Variants in VMP1 observed in about 807,000 individuals in gnomAD.
VMP1 encodes vacuole membrane protein 1.
Under a neutral mutation model 56.0 loss-of-function variants are expected in VMP1, and 11 were observed. The observed-to-expected ratio is 0.20, with a 90% confidence interval of 0.12 to 0.32. VMP1 has a LOEUF of 0.32. VMP1 is among the 10% of genes least tolerant of loss of function. The pLI is 1.00. For synonymous variants in VMP1, 149 were observed against 165.0 expected (o/e 0.90, Z 0.74); for missense variants, 296 against 490.3 (o/e 0.60, Z 3.74).
intron 10 of VMP1, among the ~76,000 whole-genome samples, chr17:59,821,099 T>C (rs2038432289): frequency 2.0e-5 from 3 of 150,904 alleles, no homozygotes; most frequent in South Asian, 4.2e-4. Context: ...GCCCCCCGAG[T>C]AGCTGGGACT....
chr17:59,804,480 C>G (rs1468420413), intron 7 of VMP1, among the ~76,000 whole-genome samples: 1 of 151,506 alleles, frequency 6.6e-6, no homozygotes, highest in African/African-American at 2.4e-5. Context: ...CCGGGCGTTG[C>G]GGTGTGTGCC....
intron 10 of VMP1, among the ~76,000 whole-genome samples, chr17:59,820,220 T>C (rs2038392194): frequency 1.3e-5 from 2 of 152,196 alleles, no homozygotes; most frequent in African/African-American, 4.8e-5. Context: ...TTTCCTCTGC[T>C]CAAACTACTT....
chr17:59,839,957 C>A lies in VMP1; in HGVS notation c.*46C>A, dbSNP rs776215056. ...CAGAAATTGGAGTGGATGGGTTCTG[C>A]CTTAAATTGGGAGGACTCCAAGCCG... is the stretch of plus-strand genomic sequence containing the variant. On this transcript the variant is annotated 3_prime_UTR_variant, in exon 12 of 12. Transcript: ENST00000262291. 8 of 1,587,754 alleles carry A rather than the reference C, an allele frequency of 5.0e-6. No individual in the cohort carries two copies. The Admixed American group carries it at 1.6e-4, about 32-fold the overall frequency.
At position 59,753,817 on chromosome 17, in the gene VMP1, A is replaced by G. The variant is rs747441218; in HGVS notation, c.415-11154A>G. On this transcript the variant is annotated intron_variant, in intron 5 of 11. Coordinates refer to ENST00000262291, the MANE Select transcript of VMP1 (RefSeq NM_030938.5). ...ATATTTTACAATTTTTCTGTTTGCC[A>G]TATATTTTAACCATTGGATTTTCTC... Among the ~76,000 whole-genome samples the G allele has an allele frequency of 5.5e-4, 83 of 152,198 alleles. 1 individual carries two copies. The highest frequency in any genetic ancestry group is 5.3e-4 in the Non-Finnish European group (36 of 68,034).
chr17:59,785,999 A>G (rs1021296525), intron 7 of VMP1, among the ~76,000 whole-genome samples: 1 of 152,184 alleles, frequency 6.6e-6, no homozygotes, highest in Admixed American at 6.5e-5. Flanking sequence ...TTTCTATTAA[A>G]TTTAAGGCTG....
At chr17:59,817,662 TG>T (rs1210289040) in intron 9 of VMP1, 49 bp from the exon 10 acceptor site, 3 of 1,390,414 alleles carry the variant, frequency 2.2e-6, no homozygotes, top group Non-Finnish European at 3.0e-6. Flanking sequence ...GAATTTATGT[TG>T]GTTTTTTGAT....
intron 10 of VMP1, among the ~76,000 whole-genome samples, chr17:59,818,479 A>G (rs1265575304): frequency 6.6e-6 from 1 of 152,242 alleles, no homozygotes; most frequent in Admixed American, 6.5e-5. Flanking sequence ...TTATTTTAAA[A>G]GGCTAAACTG....
intron 7 of VMP1, among the ~76,000 whole-genome samples, chr17:59,785,721 A>G (rs966483184): frequency 1.3e-5 from 2 of 151,292 alleles, no homozygotes; most frequent in African/African-American, 2.4e-5. Flanking sequence ...AAAAAAGAAT[A>G]TCAGTTTTTT....
intron 7 of VMP1, among the ~76,000 whole-genome samples, chr17:59,797,708 C>A (rs771081809): frequency 6.6e-6 from 1 of 152,132 alleles, no homozygotes; most frequent in African/African-American, 2.4e-5. Context: ...GAAACCCTGT[C>A]GTTACTAAAA....
intron 10 of VMP1, among the ~76,000 whole-genome samples, chr17:59,821,570 A>G (rs575395994): frequency 0.011 from 1,113 of 104,394 alleles, 7 homozygotes; most frequent in South Asian, 0.026. Context: ...TTTGAGGCGG[A>G]GTTTCACTCT....
chr17:59,798,151 A>G (rs957278455), intron 7 of VMP1, among the ~76,000 whole-genome samples: 3 of 152,262 alleles, frequency 2.0e-5, no homozygotes, highest in East Asian at 3.9e-4. Context: ...AAAACTACTC[A>G]TACTGTTTTC....
At chr17:59,745,385 C>T (rs919467519) in intron 5 of VMP1, among the ~76,000 whole-genome samples, 16 of 152,146 alleles carry the variant, frequency 1.1e-4, no homozygotes, top group Admixed American at 3.9e-4. Context: ...AATTAATAAG[C>T]GTAAACTATT....
intron 1 of VMP1, among the ~76,000 whole-genome samples, chr17:59,728,316 A>T (rs1481316438): frequency 1.3e-5 from 2 of 152,134 alleles, no homozygotes; most frequent in African/African-American, 4.8e-5. Context: ...ATCTAGCATG[A>T]CTCTTGGCAC....
intron 7 of VMP1, among the ~76,000 whole-genome samples, chr17:59,774,450 T>C (rs2036547219): frequency 6.6e-6 from 1 of 152,004 alleles, no homozygotes. Context: ...AGAAATCTTA[T>C]TTTATGGCTA....
chr17:59,830,394 T>C (rs1166360444), intron 10 of VMP1, among the ~76,000 whole-genome samples: 1 of 152,186 alleles, frequency 6.6e-6, no homozygotes, highest in Non-Finnish European at 1.5e-5. Flanking sequence ...GACCTGAATC[T>C]TCTCCTGAAA....
At chr17:59,748,398 C>T (rs1345631547) in intron 5 of VMP1, among the ~76,000 whole-genome samples, 1 of 152,156 alleles carries the variant, frequency 6.6e-6, no homozygotes, top group Non-Finnish European at 1.5e-5. Context: ...TTAAATCCTT[C>T]ATTCCTATGA....
chr17:59,739,217 T>C (rs28516945), intron 5 of VMP1, among the ~76,000 whole-genome samples: 39,838 of 152,116 alleles, frequency 0.26, 5,594 homozygotes, highest in East Asian at 0.43. Context: ...TTTTCTTTTC[T>C]TTCTAGATTT....
chr17:59,736,541 C>T (rs1290374389), intron 3 of VMP1, among the ~76,000 whole-genome samples: 2 of 148,812 alleles, frequency 1.3e-5, no homozygotes, highest in Non-Finnish European at 3.0e-5. Flanking sequence ...GTCAGGAATT[C>T]GAGACCACCC....
intron 7 of VMP1, among the ~76,000 whole-genome samples, chr17:59,803,833 T>C (rs2037754142): frequency 6.6e-6 from 1 of 152,140 alleles, no homozygotes; most frequent in Admixed American, 6.6e-5. Context: ...TTTATTTAGT[T>C]TTTCTTAAAA....
Sources: gnomAD v4.1 joint callset for allele counts (sites outside exome capture counted in the v4.1 genomes callset) on GRCh38, gnomAD v4.1.1 for gene constraint, MANE v1.5 for transcripts, NCBI Gene and HGNC (gene_info 2026-07-23, HGNC 2026-07-21) for gene names.